Variants in HOOK3 observed in about 807,000 individuals in gnomAD.
The protein encoded by HOOK3 is protein Hook homolog 3.
In HOOK3, 24 loss-of-function variants were observed where a neutral mutation model predicts 116.3. The observed-to-expected ratio is 0.21, with a 90% confidence interval of 0.15 to 0.29. The LOEUF (loss-of-function observed/expected upper bound fraction) is 0.29. HOOK3 is among the 10% of genes least tolerant of loss of function. The probability of loss-of-function intolerance (pLI) is 1.00; values close to 1 mark genes in which losing one functional copy is unlikely to be tolerated. For synonymous variants in HOOK3, 275 were observed against 283.0 expected (o/e 0.97, Z 0.28); for missense variants, 632 against 830.2 (o/e 0.76, Z 2.93).
intron 15 of HOOK3, among the ~76,000 whole-genome samples, chr8:42,987,700 CACTCAA>C (rs1809074232): frequency 6.6e-6 from 1 of 152,180 alleles, no homozygotes; most frequent in Admixed American, 6.5e-5. Context: ...TGGTGCTATT[CACTCAA>C]AGTCAGTCAC....
intron 19 of HOOK3, among the ~76,000 whole-genome samples, chr8:43,011,627 G>A (rs546916060): frequency 2.0e-5 from 3 of 152,158 alleles, no homozygotes; most frequent in South Asian, 2.1e-4. Flanking sequence ...TAATCCTGTC[G>A]CTGTAGGAGG....
chr8:43,026,562 C>G lies in HOOK3; in HGVS notation c.*8064C>G. ...GCCAAATCCTTTCAAACGCAAACAC[C>G]CTTGAAACTTGATGCTTTCTGAAGT... On this transcript the variant is annotated 3_prime_UTR_variant, in exon 22 of 22. Coordinates refer to ENST00000307602, the MANE Select transcript of HOOK3 (RefSeq NM_032410.4). The G allele has an allele frequency of 4.6e-6, 1 of 215,666 alleles. No individual in the cohort carries two copies. The highest frequency in any genetic ancestry group is 9.3e-6 in the Non-Finnish European group (1 of 107,082). 13.4% of individuals were successfully genotyped at this position (215,666 alleles called of 1,614,324 possible).
chr8:42,940,055 G>T (rs936790370), intron 4 of HOOK3, among the ~76,000 whole-genome samples: 1 of 151,980 alleles, frequency 6.6e-6, no homozygotes. Context: ...GCCAGGCAGA[G>T]ACGCTCCTCA....
At chr8:43,012,686 A>G (rs1230832052) in intron 19 of HOOK3, among the ~76,000 whole-genome samples, 1 of 152,042 alleles carries the variant, frequency 6.6e-6, no homozygotes, top group Non-Finnish European at 1.5e-5. Context: ...TGCAGCCTCA[A>G]CCTCCCAGGC....
intron 2 of HOOK3, among the ~76,000 whole-genome samples, chr8:42,906,614 C>T (rs1306214558): frequency 1.3e-5 from 2 of 152,154 alleles, no homozygotes; most frequent in Non-Finnish European, 2.9e-5. Context: ...ATCAGTGGCA[C>T]CTGCCCTGAG....
chr8:42,941,372 G>T (rs938801437), intron 4 of HOOK3, among the ~76,000 whole-genome samples: 2 of 151,116 alleles, frequency 1.3e-5, no homozygotes, highest in African/African-American at 4.8e-5. Flanking sequence ...AAAAAAATTA[G>T]GTGGGTGTGG....
At chr8:42,927,962 C>CA (rs1807801020) in intron 3 of HOOK3, among the ~76,000 whole-genome samples, 1 of 152,096 alleles carries the variant, frequency 6.6e-6, no homozygotes, top group South Asian at 2.1e-4. Flanking sequence ...GCCTGGCCAA[C>CA]ATGGTGAATC....
In HOOK3 at chr8:42,986,801, G is replaced by A. The variant is rs1428764186; in HGVS notation, c.1532+6G>A. The A allele has an allele frequency of 6.2e-7, 1 of 1,610,894 alleles. No homozygotes were observed. ...GAACTGGAGACAGAGAATAGGTAGA[G>A]TATTATAGGTGGCCGCATCTGGCTA... On this transcript the variant is annotated splice_donor_region_variant and intron_variant, in intron 15 of 21. Coordinates refer to ENST00000307602, the MANE Select transcript of HOOK3 (RefSeq NM_032410.4).
intron 1 of HOOK3, among the ~76,000 whole-genome samples, chr8:42,903,609 C>G (rs1225996269): frequency 1.3e-5 from 2 of 149,450 alleles, no homozygotes; most frequent in Admixed American, 1.3e-4. Context: ...TCCCAAAGTG[C>G]TGGGATTACA....
intron 17 of HOOK3, among the ~76,000 whole-genome samples, chr8:43,003,618 A>G (rs1351797231): frequency 6.6e-6 from 1 of 152,230 alleles, no homozygotes; most frequent in Admixed American, 6.5e-5. Context: ...TCAAATTACC[A>G]TACACTAGGT....
rs970968782 is a variant in HOOK3, at chr8:43,028,917, T to C, written c.*10419T>C. 2.5e-5 allele frequency: 5 copies of C among 202,358 alleles called. No homozygotes were observed. The highest frequency in any genetic ancestry group is 1.2e-4 in the African/African-American group (5 of 42,726). The allele number at this position is 202,358 out of a possible 1,614,324, so 12.5% of individuals were successfully genotyped here. A position where few individuals can be genotyped will look rare whatever the true frequency, so the allele number is the denominator to read the frequency against. On this transcript the variant is annotated 3_prime_UTR_variant, in exon 22 of 22. Coordinates refer to ENST00000307602, the MANE Select transcript of HOOK3 (RefSeq NM_032410.4). Reference sequence around the variant, plus strand: ...GCAGTGTCGAATTCCAAGCAAGTTATGATGATTCTTATTGTAGTTCAAGTA... The same window carrying C: ...GCAGTGTCGAATTCCAAGCAAGTTACGATGATTCTTATTGTAGTTCAAGTA...
chr8:42,907,829 A>C (rs1042309977), intron 2 of HOOK3, among the ~76,000 whole-genome samples: 4 of 151,094 alleles, frequency 2.6e-5, no homozygotes, highest in African/African-American at 7.3e-5. Context: ...AAAAAAAAAA[A>C]AAAAAAAAAA....
intron 1 of HOOK3, among the ~76,000 whole-genome samples, chr8:42,904,640 A>C (rs935622067): frequency 1.3e-5 from 2 of 152,168 alleles, no homozygotes; most frequent in African/African-American, 4.8e-5. Flanking sequence ...TGCAAACCTC[A>C]TGGCTCACTC....
intron 6 of HOOK3, among the ~76,000 whole-genome samples, 173 bp downstream of exon 6, chr8:42,950,628 T>A (rs1335675727): frequency 1.3e-5 from 2 of 152,352 alleles, no homozygotes; most frequent in Middle Eastern, 3.4e-3. Flanking sequence ...CTCATTTAAA[T>A]TTTCCAATTT....
intron 19 of HOOK3, among the ~76,000 whole-genome samples, chr8:43,012,023 T>A (rs1312738436): frequency 2.0e-5 from 3 of 152,170 alleles, no homozygotes; most frequent in Non-Finnish European, 2.9e-5. Context: ...GGGGCCACAG[T>A]GATAGGCTTA....
At chr8:43,005,026 CA>C (rs1226495900) in intron 17 of HOOK3, among the ~76,000 whole-genome samples, 1 of 151,808 alleles carries the variant, frequency 6.6e-6, no homozygotes, top group Non-Finnish European at 1.5e-5. Context: ...TATATTCAAA[CA>C]ATAGAATACC....
At chr8:42,922,846 C>A in intron 2 of HOOK3, among the ~76,000 whole-genome samples, 1 of 150,972 alleles carries the variant, frequency 6.6e-6, no homozygotes, top group East Asian at 1.9e-4. Flanking sequence ...TGTCACTGCA[C>A]CCCAGCCTGG....
chr8:43,022,602 T>G lies in HOOK3; in HGVS notation c.*4104T>G. ...GAAGTTTGTAATCCAGAAAATATAG[T>G]AGTGTATAATATCTGAAAAGAGAAT... On this transcript the variant is annotated 3_prime_UTR_variant, in exon 22 of 22. Coordinates refer to ENST00000307602, the MANE Select transcript of HOOK3 (RefSeq NM_032410.4). 1 of 185,288 alleles carries G rather than the reference T, an allele frequency of 5.4e-6. No homozygotes were observed. The highest frequency in any genetic ancestry group is 1.1e-5 in the Non-Finnish European group (1 of 87,494). The allele number at this position is 185,288 out of a possible 1,614,324, so 11.5% of individuals were successfully genotyped here.
chr8:42,966,394 A>T, intron 9 of HOOK3, 79 bp from the exon 10 acceptor site: 1 of 1,445,208 alleles, frequency 6.9e-7, no homozygotes, highest in Non-Finnish European at 9.5e-7. Flanking sequence ...CTCATGCTTT[A>T]TATCTTTCTT....
Sources: allele counts gnomAD v4.1 joint callset (sites outside exome capture counted in the v4.1 genomes callset), GRCh38; gene constraint gnomAD v4.1.1; transcripts MANE v1.5; gene names NCBI Gene and HGNC (gene_info 2026-07-23, HGNC 2026-07-21).